NAALADL2: variants seen among roughly 807,000 people sequenced by gnomAD.
NAALADL2 encodes N-acetylated alpha-linked acidic dipeptidase like 2, also known as inactive N-acetylated-alpha-linked acidic dipeptidase-like protein 2.
NAALADL2 carries 76 observed loss-of-function variants against 87.2 expected under a neutral mutation model. That is an observed-to-expected ratio of 0.87 (90% CI 0.72 to 1.05). The LOEUF (loss-of-function observed/expected upper bound fraction) is 1.05. Ranked by LOEUF, NAALADL2 falls within the 50% of genes least tolerant of loss-of-function variation. The pLI is 0.00. For synonymous variants in NAALADL2, 354 were observed against 331.0 expected, an observed-to-expected ratio of 1.07 and a Z score of -0.75; for missense variants, 1,089 against 945.8, an observed-to-expected ratio of 1.15 and a Z score of -1.99.
intron 3 of NAALADL2, among the ~76,000 whole-genome samples, chr3:174,831,371 G>C (rs1722669074): frequency 6.9e-6 from 1 of 145,766 alleles, no homozygotes; most frequent in African/African-American, 2.6e-5. Flanking sequence ...AAAATCATGT[G>C]GTTTTTGTCT....
intron 1 of NAALADL2, among the ~76,000 whole-genome samples, chr3:175,028,993 A>G (rs1436927106): frequency 6.7e-6 from 1 of 150,136 alleles, no homozygotes; most frequent in Non-Finnish European, 1.5e-5. Flanking sequence ...TAATTAGATG[A>G]ATATTATGCA....
chr3:175,657,025 G>C (rs115504100), intron 11 of NAALADL2, among the ~76,000 whole-genome samples: 4,182 of 152,076 alleles, frequency 0.027, 193 homozygotes, highest in African/African-American at 0.095. Context: ...GTAAGAAAAC[G>C]TACTTACATA....
At chr3:175,453,705 C>T (rs1021391239) in intron 6 of NAALADL2, among the ~76,000 whole-genome samples, 4 of 152,082 alleles carry the variant, frequency 2.6e-5, no homozygotes, top group South Asian at 2.1e-4. Context: ...AGGGTATCAT[C>T]AGTGTTCTAT....
intron 2 of NAALADL2, among the ~76,000 whole-genome samples, chr3:175,233,351 G>C (rs1033659323): frequency 6.6e-6 from 1 of 152,130 alleles, no homozygotes; most frequent in Non-Finnish European, 1.5e-5. Context: ...AGAAGGATCA[G>C]AACTAATAGA....
chr3:174,683,706 C>A lies in NAALADL2; in HGVS notation c.-114-53935C>A, dbSNP rs1046715736. Among the ~76,000 whole-genome samples, 19 of 88,126 alleles carry A rather than the reference C, an allele frequency of 2.2e-4. 2 individuals are homozygous for A. The highest frequency in any genetic ancestry group is 9.4e-4 in the African/African-American group (19 of 20,164). The allele number at this position is 88,126 out of a possible 152,430, so 57.8% of individuals were successfully genotyped here. A position where few individuals can be genotyped will look rare whatever the true frequency, so the allele number is the denominator to read the frequency against. ...TTTTAACCATTTGGAATTTCTGGAA[C>A]CTTGCCCTGCAAAATATAAGAGAAG... On this transcript the variant is annotated intron_variant, in intron 2 of 3. Coordinates refer to the NAALADL2 transcript ENST00000434257.
chr3:174,978,967 A>T (rs2108641797), intron 1 of NAALADL2, among the ~76,000 whole-genome samples: 1 of 152,312 alleles, frequency 6.6e-6, no homozygotes, highest in Non-Finnish European at 1.5e-5. Flanking sequence ...CACAAGGATG[A>T]CTGGAATATT....
intron 1 of NAALADL2, among the ~76,000 whole-genome samples, chr3:174,504,289 AC>A (rs1719076805): frequency 1.3e-5 from 2 of 152,104 alleles, no homozygotes; most frequent in South Asian, 4.1e-4. Context: ...TAGAGCCAAT[AC>A]CCCAATGCAA....
At chr3:175,794,731 A>G (rs6780642) in intron 13 of NAALADL2, among the ~76,000 whole-genome samples, 6,886 of 152,300 alleles carry the variant, frequency 0.045, 517 homozygotes, top group African/African-American at 0.16. Context: ...TTATAAATGC[A>G]AACAGACACT....
chr3:175,692,750 C>T (rs1458372079), intron 11 of NAALADL2, among the ~76,000 whole-genome samples: 2 of 152,136 alleles, frequency 1.3e-5, no homozygotes, highest in African/African-American at 4.8e-5. Flanking sequence ...AATAAGTTCT[C>T]CGTGCTCTCA....
chr3:174,571,503 C>A (rs1714919239), intron 2 of NAALADL2, among the ~76,000 whole-genome samples: 1 of 152,116 alleles, frequency 6.6e-6, no homozygotes. Flanking sequence ...CCTCAGCCTC[C>A]CGAGTAGCTG....
chr3:175,605,995 G>A (rs565799677), intron 10 of NAALADL2, among the ~76,000 whole-genome samples: 15 of 152,210 alleles, frequency 9.9e-5, no homozygotes, highest in African/African-American at 3.1e-4. Context: ...AATCTATGAC[G>A]ACATTCTTCA....
chr3:174,903,679 A>G (rs1004800542), intron 1 of NAALADL2, among the ~76,000 whole-genome samples: 2 of 151,960 alleles, frequency 1.3e-5, no homozygotes, highest in Non-Finnish European at 2.9e-5. Flanking sequence ...CATGCAATTC[A>G]CTGGTAAAAA....
chr3:174,605,864 C>T (rs1301436830), intron 2 of NAALADL2, among the ~76,000 whole-genome samples: 2 of 152,188 alleles, frequency 1.3e-5, no homozygotes, highest in African/African-American at 4.8e-5. Context: ...CAGACTGCCT[C>T]CTCAAGTGGG....
chr3:175,499,382 G>C (rs1560657431), intron 9 of NAALADL2, among the ~76,000 whole-genome samples: 1 of 152,038 alleles, frequency 6.6e-6, no homozygotes, highest in Non-Finnish European at 1.5e-5. Context: ...TCTAGCGTAA[G>C]AGTCTCTTAA....
chr3:174,924,024 A>G (rs1430285313), intron 1 of NAALADL2, among the ~76,000 whole-genome samples: 1 of 152,158 alleles, frequency 6.6e-6, no homozygotes, highest in East Asian at 1.9e-4. Context: ...AAAAACACAT[A>G]ATGGTATCTT....
rs1159524601 is a variant in NAALADL2 at position 175,450,721 on chromosome 3, T to C, written c.1234+3349T>C. 3.3e-5 allele frequency among the ~76,000 whole-genome samples: 5 copies of C among 152,152 alleles called. No individual in the cohort carries two copies. In the East Asian group the frequency reaches 7.7e-4, roughly 23 times the overall value. On this transcript the variant is annotated intron_variant, in intron 6 of 13. Transcript: ENST00000454872. ...CAACCAGAATCTATTTCTAGGGATA[T>C]TGCCAAAGCTACTCATAAAATGTTG...
At chr3:174,724,133 C>A (rs1731969941) in intron 2 of NAALADL2, among the ~76,000 whole-genome samples, 1 of 152,056 alleles carries the variant, frequency 6.6e-6, no homozygotes, top group Non-Finnish European at 1.5e-5. Flanking sequence ...AGGAAATAAT[C>A]TATTATTACA....
At chr3:175,797,391 AGATAGT>A (rs1172742947) in intron 13 of NAALADL2, among the ~76,000 whole-genome samples, 4 of 152,168 alleles carry the variant, frequency 2.6e-5, no homozygotes, top group Non-Finnish European at 4.4e-5. Context: ...TATGCAAATA[AGATAGT>A]GATTTATTGA....
At chr3:175,740,368 T>C (rs542852007) in intron 12 of NAALADL2, among the ~76,000 whole-genome samples, 15 of 152,038 alleles carry the variant, frequency 9.9e-5, no homozygotes, top group Non-Finnish European at 7.4e-5. Context: ...AGGTGATAAA[T>C]TGGGGATGTG....
Sources: allele counts gnomAD v4.1 joint callset (sites outside exome capture counted in the v4.1 genomes callset), GRCh38; gene constraint gnomAD v4.1.1; transcripts MANE v1.5; gene names NCBI Gene and HGNC (gene_info 2026-07-23, HGNC 2026-07-21).